The following POM121 variants were observed in gnomAD, a reference collection of about 807,000 sequenced individuals.
POM121 encodes the protein POM121 transmembrane nucleoporin.
A neutral mutation model predicts 81.3 loss-of-function variants in POM121; 32 were observed. The observed-to-expected ratio is 0.39, with a 90% CI of 0.30 to 0.53. POM121 has a LOEUF of 0.53. Among genes scored for constraint, POM121 ranks in the 20% least tolerant of loss-of-function variants. POM121 has a pLI of 0.66. For synonymous variants in POM121, 514 were observed against 694.2 expected, an observed-to-expected ratio of 0.74 and a Z score of 4.08; for missense variants, 1,138 against 1,614.6, an observed-to-expected ratio of 0.70 and a Z score of 5.06.
chr7:72,931,901 C>G (rs1238171883), intron 5 of POM121, among the ~76,000 whole-genome samples: 1 of 152,082 alleles, frequency 6.6e-6, no homozygotes, highest in Non-Finnish European at 1.5e-5. Flanking sequence ...GTATCAGTGT[C>G]ATTGTTAACA....
upstream of POM121, among the ~76,000 whole-genome samples, chr7:72,921,380 T>G (rs1172688418): frequency 1.3e-5 from 2 of 152,180 alleles, no homozygotes; most frequent in Non-Finnish European, 2.9e-5. Flanking sequence ...ACTCCCTCTT[T>G]GCATAGTGCC....
intron 3 of POM121, among the ~76,000 whole-genome samples, chr7:72,905,749 C>T (rs1554493338): frequency 6.6e-6 from 1 of 152,178 alleles, no homozygotes; most frequent in African/African-American, 2.4e-5. Flanking sequence ...CTTGCTGAAT[C>T]TTCTATGGGC....
upstream of POM121, chr7:72,925,055 C>G (rs1795220506): frequency 2.7e-5 from 37 of 1,352,982 alleles, no homozygotes; most frequent in Non-Finnish European, 3.5e-5. Context: ...AGAGGGCGCG[C>G]GATGACGCGA....
At chr7:72,938,479 C>T in intron 5 of POM121, 111 bp from the exon 6 acceptor site, 2 of 1,280,572 alleles carry the variant, frequency 1.6e-6, no homozygotes, top group Non-Finnish European at 2.3e-6. Flanking sequence ...GCATGACTAA[C>T]CATTTAACCA....
intron 3 of POM121, among the ~76,000 whole-genome samples, chr7:72,902,782 A>G (rs1792827503): frequency 6.6e-6 from 1 of 152,166 alleles, no homozygotes; most frequent in Non-Finnish European, 1.5e-5. Flanking sequence ...TGCCTGCCTC[A>G]ACCTCCCAAA....
At chr7:72,884,981 T>C (rs1380461612) in intron 1 of POM121, among the ~76,000 whole-genome samples, 10 of 152,172 alleles carry the variant, frequency 6.6e-5, no homozygotes, top group African/African-American at 2.4e-4. Context: ...ATTTCCTTTA[T>C]AGCAATTTTT....
At chr7:72,916,978 C>T (rs1794346687) in intron 4 of POM121, among the ~76,000 whole-genome samples, 1 of 152,170 alleles carries the variant, frequency 6.6e-6, no homozygotes, top group Non-Finnish European at 1.5e-5. Context: ...ATTTTGGATA[C>T]GTTCCTTTGT....
chr7:72,886,632 A>G (rs1554490104), intron 1 of POM121, among the ~76,000 whole-genome samples: 1 of 152,234 alleles, frequency 6.6e-6, no homozygotes, highest in Non-Finnish European at 1.5e-5. Context: ...ATGATGAATT[A>G]TTATATGTCT....
At position 72,926,344 on chromosome 7, in the gene POM121, G is replaced by A; in HGVS notation, c.727G>A (p.Gly243Arg). The A allele has an allele frequency of 6.2e-7, 1 of 1,613,140 alleles. No homozygotes were observed. The highest frequency in any genetic ancestry group is 8.5e-7 in the Non-Finnish European group (1 of 1,179,502). ...PIHQAQYSCL[G>R]VLPTVCWNGY... Reference sequence around the variant, plus strand: ...CCATCAGGCCCAGTATTCCTGTCTGGGGGTACTTCCCACCGTGTGCTGGAA... The same window carrying A: ...CCATCAGGCCCAGTATTCCTGTCTGAGGGTACTTCCCACCGTGTGCTGGAA... The change falls in exon 2 of 13, where the codon GGG (glycine) becomes AGG (arginine). Residue 243 changes from glycine (G) to arginine (R), a missense_variant. By Grantham distance (125) the Gly-to-Arg change is moderately radical. Around this residue, in one of 7 missense-constraint regions of POM121, gnomAD observed 646 missense variants for 633.5 expected, o/e 1.02. Transcript: ENST00000434423.
At chr7:72,935,907 T>G (rs1454761368) in intron 5 of POM121, among the ~76,000 whole-genome samples, 1 of 152,212 alleles carries the variant, frequency 6.6e-6, no homozygotes, top group African/African-American at 2.4e-5. Context: ...TTGCTAAATC[T>G]GTATGTTCTT....
chr7:72,911,190 G>T (rs1276508430), intron 3 of POM121, among the ~76,000 whole-genome samples: 2 of 152,162 alleles, frequency 1.3e-5, no homozygotes, highest in African/African-American at 4.8e-5. Context: ...CACCATTTTG[G>T]CCAGGCTGGT....
At chr7:72,892,407 G>C (rs2906953) in intron 3 of POM121, among the ~76,000 whole-genome samples, 2 of 152,114 alleles carry the variant, frequency 1.3e-5, no homozygotes, top group African/African-American at 4.8e-5. Flanking sequence ...TCACCTCCCA[G>C]TATTTGATTG....
intron 3 of POM121, 129 bp from the exon 4 acceptor site, chr7:72,928,256 C>A: frequency 1.5e-6 from 2 of 1,313,062 alleles, no homozygotes; most frequent in Non-Finnish European, 2.1e-6. Flanking sequence ...TTTTAAACAA[C>A]CATTTTCTGG....
At chr7:72,907,511 T>A (rs1793367958) in intron 3 of POM121, among the ~76,000 whole-genome samples, 1 of 152,090 alleles carries the variant, frequency 6.6e-6, no homozygotes, top group Admixed American at 6.6e-5. Flanking sequence ...GGATTTTTCT[T>A]CATTGCTTTT....
chr7:72,905,753 T>C (rs1161722579), intron 3 of POM121, among the ~76,000 whole-genome samples: 5 of 152,220 alleles, frequency 3.3e-5, no homozygotes, highest in African/African-American at 1.2e-4. Flanking sequence ...CTGAATCTTC[T>C]ATGGGCGAAG....
At chr7:72,922,145 T>C (rs1554496057), upstream of POM121, among the ~76,000 whole-genome samples, 1 of 152,230 alleles carries the variant, frequency 6.6e-6, no homozygotes, top group African/African-American at 2.4e-5. Context: ...TGAGGTTAAA[T>C]GTATATGTGT....
chr7:72,885,970 A>T (rs1331318192), intron 1 of POM121, among the ~76,000 whole-genome samples: 4 of 151,998 alleles, frequency 2.6e-5, no homozygotes, highest in Non-Finnish European at 5.9e-5. Flanking sequence ...GTTAGAATTT[A>T]TAGTATGCAA....
intron 3 of POM121, among the ~76,000 whole-genome samples, chr7:72,910,763 C>G (rs1413152299): frequency 1.3e-5 from 2 of 151,946 alleles, no homozygotes; most frequent in African/African-American, 4.8e-5. Context: ...TCTTCGCTGT[C>G]ATTTGGCTCG....
At chr7:72,941,133 C>G (rs1389947742) in intron 10 of POM121, 140 bp downstream of exon 10, 7 of 602,064 alleles carry the variant, frequency 1.2e-5, no homozygotes, top group Non-Finnish European at 1.2e-5. Context: ...CGGAGCGGGC[C>G]CACGTTTAAC....
Sources: allele counts gnomAD v4.1 joint callset (sites outside exome capture counted in the v4.1 genomes callset), GRCh38; gene constraint gnomAD v4.1.1; regional missense constraint gnomAD v4.1.1; transcripts MANE v1.5; gene names NCBI Gene and HGNC (gene_info 2026-07-23, HGNC 2026-07-21).